The following CCDC102B variants were observed in gnomAD, a reference collection of about 807,000 sequenced individuals.
CCDC102B encodes the protein coiled-coil domain-containing protein 102B.
In CCDC102B, 75 loss-of-function variants were observed where a neutral mutation model predicts 57.4. The observed-to-expected ratio is 1.31, with a 90% CI of 1.08 to 1.58. The LOEUF is 1.58. CCDC102B is among the 40% of genes most tolerant of loss of function. CCDC102B has a pLI of 0.00. For missense variants in CCDC102B, 636 were observed against 582.6 expected (o/e 1.09, Z -0.94); for synonymous variants, 206 against 201.9 (o/e 1.02, Z -0.17).
At chr18:68,732,654 A>C (rs1443082664) in intron 2 of CCDC102B, among the ~76,000 whole-genome samples, 1 of 152,056 alleles carries the variant, frequency 6.6e-6, no homozygotes, top group East Asian at 1.9e-4. Flanking sequence ...GCCTACTTGA[A>C]GGCTTTCTAC....
chr18:68,738,819 C>G (rs552549813), intron 2 of CCDC102B, among the ~76,000 whole-genome samples: 41 of 152,228 alleles, frequency 2.7e-4, no homozygotes, highest in African/African-American at 9.9e-4. Context: ...ATCTGCATGC[C>G]TCTCCCCAGA....
At chr18:68,748,205 G>GGTATGTTTGTGT (rs530957083) in intron 2 of CCDC102B, among the ~76,000 whole-genome samples, 3 of 137,504 alleles carry the variant, frequency 2.2e-5, no homozygotes, top group African/African-American at 8.0e-5. Context: ...TTATTAAACT[G>GGTATGTTTGTGT]GTGTGTGTGT....
At chr18:68,944,570 C>A (rs1306809950) in intron 6 of CCDC102B, among the ~76,000 whole-genome samples, 2 of 151,912 alleles carry the variant, frequency 1.3e-5, no homozygotes, top group African/African-American at 4.8e-5. Flanking sequence ...TAATCCAATT[C>A]ATGAGAGCAA....
intron 6 of CCDC102B, among the ~76,000 whole-genome samples, chr18:68,930,451 C>T (rs982858155): frequency 6.6e-6 from 1 of 151,706 alleles, no homozygotes; most frequent in Non-Finnish European, 1.5e-5. Flanking sequence ...AATCAGTGAC[C>T]AGCACCTCAG....
intron 2 of CCDC102B, among the ~76,000 whole-genome samples, chr18:68,725,326 C>T (rs190763459): frequency 2.6e-5 from 4 of 152,282 alleles, no homozygotes; most frequent in Non-Finnish European, 5.9e-5. Flanking sequence ...TAAAGCAACA[C>T]GAATTTATTA....
Position 68,838,857 on chromosome 18 carries a change from A to G in CCDC102B, c.758A>G (p.Glu253Gly). 6.2e-7 allele frequency: 1 copy of G among 1,614,012 alleles called. No individual in the cohort carries two copies. Among genetic ancestry groups the G allele is most frequent in the Non-Finnish European group, 8.5e-7 (1 of 1,179,944 alleles). The change falls in exon 3 of 8, where the codon GAA becomes GGA. Residue 253 changes from glutamate to glycine, a missense_variant. Coordinates refer to ENST00000360242, the MANE Select transcript of CCDC102B (RefSeq NM_024781.3). ...GCAATAAATCTGCCTTTGGAAAATG[A>G]AGTAACTGAAATTTCAGCTTTGCAG... The part of the protein sequence containing the change: ...LKAINLPLEN[E>G]VTEISALQVH...
chr18:68,816,656 G>A (rs2036493693), intron 1 of CCDC102B, among the ~76,000 whole-genome samples: 1 of 151,866 alleles, frequency 6.6e-6, no homozygotes, highest in South Asian at 2.1e-4. Context: ...AGTACAGACG[G>A]GGTTTCACCA....
chr18:69,026,102 G>A lies in CCDC102B; in HGVS notation c.1434+14998G>A, dbSNP rs190465397. 1.3e-5 allele frequency among the ~76,000 whole-genome samples: 2 copies of A among 152,208 alleles called. 1 individual carries two copies. The highest frequency in any genetic ancestry group is 1.3e-4 in the Admixed American group (2 of 15,276). Reference sequence around the variant, plus strand: ...TTCTAAGGCAGAACTCATTCTGCGGGGGAGAACGTGTGATTCAGCCAGGGG... The same window carrying A: ...TTCTAAGGCAGAACTCATTCTGCGGAGGAGAACGTGTGATTCAGCCAGGGG... On this transcript the variant is annotated intron_variant, in intron 7 of 7. Coordinates refer to ENST00000360242, the MANE Select transcript of CCDC102B (RefSeq NM_024781.3).
At chr18:68,789,612 T>A (rs2035351928) in intron 2 of CCDC102B, among the ~76,000 whole-genome samples, 2 of 149,402 alleles carry the variant, frequency 1.3e-5, no homozygotes, top group Middle Eastern at 3.4e-3. Context: ...TTTCTTCCAG[T>A]TGATCGCATT....
At chr18:68,794,832 C>T (rs1045970046), upstream of CCDC102B, among the ~76,000 whole-genome samples, 1 of 151,852 alleles carries the variant, frequency 6.6e-6, no homozygotes, top group Non-Finnish European at 1.5e-5. Flanking sequence ...AGGTCCCATG[C>T]TATCAATGAA....
intron 2 of CCDC102B, among the ~76,000 whole-genome samples, chr18:68,744,215 A>G (rs2033524725): frequency 6.6e-6 from 1 of 152,216 alleles, no homozygotes; most frequent in African/African-American, 2.4e-5. Context: ...CAGTTTGGAT[A>G]GGAAATGAGA....
intron 7 of CCDC102B, among the ~76,000 whole-genome samples, chr18:69,039,777 T>G (rs2145468830): frequency 6.6e-6 from 1 of 152,072 alleles, no homozygotes; most frequent in African/African-American, 2.4e-5. Context: ...TGTAGAATTG[T>G]TAGCAGTAGA....
At chr18:68,735,764 G>C (rs1319713212) in intron 2 of CCDC102B, among the ~76,000 whole-genome samples, 1 of 152,134 alleles carries the variant, frequency 6.6e-6, no homozygotes, top group African/African-American at 2.4e-5. Flanking sequence ...TTTGATAAGT[G>C]ATATGTGAGA....
chr18:68,996,593 T>G (rs1172456979), intron 6 of CCDC102B, among the ~76,000 whole-genome samples: 2 of 152,348 alleles, frequency 1.3e-5, no homozygotes, highest in East Asian at 3.9e-4. Context: ...GATTTTGGAC[T>G]TGCATGGGGC....
At position 68,790,307 on chromosome 18, in the gene CCDC102B, G is replaced by A. The variant is rs539411279; in HGVS notation, c.-66-33059G>A. Among the ~76,000 whole-genome samples, 639 of 138,100 alleles carry A rather than the reference G, an allele frequency of 4.6e-3. 4 individuals are homozygous for A. Among genetic ancestry groups the A allele is most frequent in the Non-Finnish European group, 8.7e-3 (521 of 59,698 alleles). 90.6% of individuals were successfully genotyped at this position (138,100 alleles called of 152,430 possible). A position where few individuals can be genotyped will look rare whatever the true frequency, so the allele number is the denominator to read the frequency against. On this transcript the variant is annotated intron_variant, in intron 2 of 3. Transcript: ENST00000578970. Reference sequence around the variant, plus strand: ...TGTTTGTCTGTGCCCTGCCCCCAGAGGTGGAGCGTACAGAGGCAGGCAGGC... The same window carrying A: ...TGTTTGTCTGTGCCCTGCCCCCAGAAGTGGAGCGTACAGAGGCAGGCAGGC...
intron 5 of CCDC102B, among the ~76,000 whole-genome samples, chr18:68,890,828 A>G (rs1048235110): frequency 6.6e-6 from 1 of 152,150 alleles, no homozygotes; most frequent in Admixed American, 6.5e-5. Context: ...CTTTGTATGA[A>G]TATACTGAGA....
intron 4 of CCDC102B, among the ~76,000 whole-genome samples, chr18:68,865,332 T>C (rs1227356193): frequency 6.6e-6 from 1 of 152,146 alleles, no homozygotes; most frequent in Non-Finnish European, 1.5e-5. Context: ...AACCTACTTG[T>C]ATCTTAGGGT....
intron 2 of CCDC102B, among the ~76,000 whole-genome samples, chr18:68,739,842 A>G (rs1293186626): frequency 2.0e-5 from 3 of 152,202 alleles, no homozygotes; most frequent in Non-Finnish European, 2.9e-5. Flanking sequence ...GAGATGGCCC[A>G]GGTAGTAGGA....
intron 4 of CCDC102B, among the ~76,000 whole-genome samples, chr18:68,862,420 T>TA (rs1385604028): frequency 6.6e-6 from 1 of 152,224 alleles, no homozygotes; most frequent in East Asian, 1.9e-4. Context: ...AGTACTGATT[T>TA]AAAAAAACCA....
Sources: allele counts gnomAD v4.1 joint callset (sites outside exome capture counted in the v4.1 genomes callset), GRCh38; gene constraint gnomAD v4.1.1; transcripts MANE v1.5; gene names NCBI Gene and HGNC (gene_info 2026-07-23, HGNC 2026-07-21).